TCF12: variants seen among roughly 807,000 people sequenced by gnomAD.
TCF12 encodes transcription factor 12, also known as DNA-binding protein HTF4.
In TCF12, 45 loss-of-function variants were observed where a neutral mutation model predicts 86.0. That is an observed-to-expected ratio of 0.52 (90% confidence interval 0.41 to 0.67). The LOEUF is 0.67. Among genes scored for constraint, TCF12 ranks in the 30% least tolerant of loss-of-function variants. The pLI, the probability that TCF12 is intolerant of heterozygous loss-of-function variation, is 0.00. For synonymous variants in TCF12, 330 were observed against 299.6 expected (o/e 1.10, Z -1.05); for missense variants, 881 against 859.9 (o/e 1.02, Z -0.31).
Position 57,197,822 on chromosome 15 carries a change from T to C in TCF12, c.576T>C (p.Ser192=), listed in dbSNP as rs775550885. Residue 192 remains serine, a synonymous_variant, in exon 8 of 21, where the codon TCT becomes TCC. Transcript: ENST00000333725. ...GAAAGGTGCCTCCTGGTTTGCCTTCTTCTGTAAGTACCTATCTTTTTTTAA... is the reference window on the plus strand; with the variant it reads ...GAAAGGTGCCTCCTGGTTTGCCTTCCTCTGTAAGTACCTATCTTTTTTTAA... ...KVRKVPPGLP[S]SVYAPSPNSD... The C allele has an allele frequency of 1.2e-6, 2 of 1,614,014 alleles. No homozygotes were observed. The highest frequency in any genetic ancestry group is 8.5e-7 in the Non-Finnish European group (1 of 1,179,936).
chr15:56,966,061 A>G (rs1237737927), intron 3 of TCF12, among the ~76,000 whole-genome samples: 1 of 152,190 alleles, frequency 6.6e-6, no homozygotes, highest in Non-Finnish European at 1.5e-5. Flanking sequence ...GTGATAATTT[A>G]TAGTCTTATG....
chr15:57,156,552 G>A (rs2054121612), intron 5 of TCF12, among the ~76,000 whole-genome samples: 1 of 152,174 alleles, frequency 6.6e-6, no homozygotes, highest in African/African-American at 2.4e-5. Context: ...AGGGGAACTG[G>A]CTAATTAACA....
rs112421879 is a variant in TCF12, at chr15:57,263,895, T to C, written c.1745+621T>C. ...ACCCGTATAGGCCACTTATCATGAA[T>C]AGAGCTTGCAGGACTCGAAATTGCT... On this transcript the variant is annotated intron_variant, in intron 18 of 20. Coordinates refer to ENST00000333725, the MANE Select transcript of TCF12 (RefSeq NM_207037.2). Among the ~76,000 whole-genome samples the C allele has an allele frequency of 1.2e-4, 18 of 152,284 alleles. 1 individual carries two copies. The highest frequency in any genetic ancestry group is 4.3e-4 in the African/African-American group (18 of 41,550).
intron 3 of TCF12, among the ~76,000 whole-genome samples, chr15:56,982,259 A>G (rs2062930116): frequency 6.6e-6 from 1 of 152,220 alleles, no homozygotes; most frequent in Non-Finnish European, 1.5e-5. Flanking sequence ...GAATAATTCA[A>G]AACTCTAAAG....
intron 8 of TCF12, among the ~76,000 whole-genome samples, chr15:57,206,351 A>G (rs2057809756): frequency 6.6e-6 from 1 of 152,102 alleles, no homozygotes; most frequent in Non-Finnish European, 1.5e-5. Flanking sequence ...AAATACAAAA[A>G]TTAGCCGGGC....
chr15:57,268,667 T>A (rs1390307983), intron 18 of TCF12, among the ~76,000 whole-genome samples: 1 of 152,220 alleles, frequency 6.6e-6, no homozygotes, highest in Admixed American at 6.5e-5. Context: ...AATTTATATC[T>A]GAATCATAAA....
intron 3 of TCF12, among the ~76,000 whole-genome samples, chr15:56,973,104 G>A (rs1220689779): frequency 6.6e-6 from 1 of 152,002 alleles, no homozygotes; most frequent in Non-Finnish European, 1.5e-5. Flanking sequence ...GAGAAGACTC[G>A]AAGGAAGAGA....
At chr15:57,209,575 C>T (rs564591319) in intron 8 of TCF12, among the ~76,000 whole-genome samples, 2 of 152,286 alleles carry the variant, frequency 1.3e-5, no homozygotes, top group African/African-American at 4.8e-5. Context: ...TCGTGGTCAC[C>T]TGTGTAGCTA....
Position 57,066,680 on chromosome 15 carries a change from C to T in TCF12, c.222+2857C>T, listed in dbSNP as rs147124723. 3.7e-3 allele frequency among the ~76,000 whole-genome samples: 557 copies of T among 152,234 alleles called. 5 individuals carry two copies. Among genetic ancestry groups the T allele is most frequent in the African/African-American group, 0.013 (520 of 41,558 alleles). ...GGAGATACAATATACCTGCTTTAAA[C>T]TTAACATGAATTGAACTATCTGAGC... On this transcript the variant is annotated intron_variant, in intron 4 of 20. Coordinates refer to ENST00000333725, the MANE Select transcript of TCF12 (RefSeq NM_207037.2).
chr15:57,032,841 G>A (rs1346535462), intron 3 of TCF12, among the ~76,000 whole-genome samples: 1 of 152,100 alleles, frequency 6.6e-6, no homozygotes, highest in African/African-American at 2.4e-5. Context: ...ACTGGTAAAG[G>A]CAATAACAGA....
chr15:57,226,787 C>G (rs776898792), intron 8 of TCF12, among the ~76,000 whole-genome samples: 2 of 152,088 alleles, frequency 1.3e-5, no homozygotes, highest in Non-Finnish European at 2.9e-5. Flanking sequence ...TAAGAAGGAT[C>G]TAAATCTGCC....
intron 12 of TCF12, among the ~76,000 whole-genome samples, chr15:57,236,897 G>A (rs1011779273): frequency 2.0e-5 from 3 of 151,632 alleles, no homozygotes; most frequent in Non-Finnish European, 4.4e-5. Context: ...CTGGGTATTC[G>A]TGCCATTTCT....
intron 3 of TCF12, among the ~76,000 whole-genome samples, chr15:56,935,527 A>G (rs913497900): frequency 1.3e-5 from 2 of 152,054 alleles, no homozygotes; most frequent in Admixed American, 6.6e-5. Flanking sequence ...ATTTGGTGAC[A>G]TGAGTAAGTT....
chr15:57,014,925 G>A (rs896904694), intron 3 of TCF12, among the ~76,000 whole-genome samples: 4 of 149,456 alleles, frequency 2.7e-5, no homozygotes, highest in African/African-American at 4.9e-5. Flanking sequence ...TAATGTTCTC[G>A]TTTCTTTTGC....
chr15:56,927,366 G>C (rs2140232624), intron 3 of TCF12, among the ~76,000 whole-genome samples: 1 of 152,272 alleles, frequency 6.6e-6, no homozygotes, highest in Non-Finnish European at 1.5e-5. Context: ...CTTTATTTCA[G>C]TATCCAGAGA....
chr15:57,150,103 A>G (rs1425367084), intron 5 of TCF12, among the ~76,000 whole-genome samples: 4 of 152,156 alleles, frequency 2.6e-5, no homozygotes, highest in African/African-American at 7.2e-5. Context: ...GAGATAATCA[A>G]ACGCAGCCTG....
At chr15:57,156,676 A>C (rs1456857238) in intron 5 of TCF12, among the ~76,000 whole-genome samples, 3 of 152,348 alleles carry the variant, frequency 2.0e-5, no homozygotes, top group East Asian at 3.9e-4. Context: ...TGGCACGCAA[A>C]CAACACAAGT....
rs374164938 is a variant in TCF12 at position 57,226,208 on chromosome 15, CT to C, written c.580-4931del. ...TTTATTAATATTTCATTGACCTAGA[CT>C]TTTTTTTTTTTTCTCAAGGTTTTAG... On this transcript the variant is annotated intron_variant, in intron 8 of 20. Transcript: ENST00000333725. 6.6e-3 allele frequency among the ~76,000 whole-genome samples: 904 copies of C among 137,566 alleles called. 3 individuals are homozygous for C. The highest frequency in any genetic ancestry group is 0.012 in the African/African-American group (442 of 37,542). The allele number at this position is 137,566 out of a possible 152,430, so 90.2% of individuals were successfully genotyped here. A position where few individuals can be genotyped will look rare whatever the true frequency, so the allele number is the denominator to read the frequency against.
rs567004842 is a variant in TCF12, at chr15:57,113,534, T to A, written c.325+21643T>A. ...TGGCAATCCCTTACCTTTCTTTTGCTTCTTTTTTTTCTTTTTCTTTTTCTT... is the reference window on the plus strand; with the variant it reads ...TGGCAATCCCTTACCTTTCTTTTGCATCTTTTTTTTCTTTTTCTTTTTCTT... On this transcript the variant is annotated intron_variant, in intron 5 of 20. Coordinates refer to ENST00000333725, the MANE Select transcript of TCF12 (RefSeq NM_207037.2). Among the ~76,000 whole-genome samples the A allele has an allele frequency of 7.2e-5, 11 of 152,294 alleles. No individual in the cohort carries two copies. The East Asian group carries it at 2.1e-3, about 29-fold the overall frequency.
Sources: allele counts gnomAD v4.1 joint callset (sites outside exome capture counted in the v4.1 genomes callset), GRCh38; gene constraint gnomAD v4.1.1; transcripts MANE v1.5; gene names NCBI Gene and HGNC (gene_info 2026-07-23, HGNC 2026-07-21).